The following KRT72 variants were observed in gnomAD, a reference collection of about 807,000 sequenced individuals.
KRT72 encodes the protein keratin, type II cytoskeletal 72.
Under a neutral mutation model 44.7 loss-of-function variants are expected in KRT72, and 44 were observed. The ratio of observed to expected loss-of-function variants is 0.98; its 90% CI spans 0.77 to 1.27. KRT72 has a LOEUF of 1.27. Among genes scored for constraint, KRT72 ranks in the 50% most tolerant of loss-of-function variants. The pLI is 0.00. For synonymous variants in KRT72, 302 were observed against 280.4 expected, an observed-to-expected ratio of 1.08 and a Z score of -0.77; for missense variants, 736 against 667.1, an observed-to-expected ratio of 1.10 and a Z score of -1.14.
At chr12:52,592,822 A>G in intron 3 of KRT72, 70 bp downstream of exon 3, 1 of 1,385,960 alleles carries the variant, frequency 7.2e-7, no homozygotes. Context: ...CCCTTTCCTC[A>G]CCCTACAAGC....
chr12:52,586,947 G>T lies in KRT72; in HGVS notation c.1344C>A (p.Ile448=), dbSNP rs975745057. The T allele has an allele frequency of 6.2e-7, 1 of 1,613,550 alleles. No homozygotes were observed. The highest frequency in any genetic ancestry group is 1.3e-5 in the African/African-American group (1 of 74,896). The change falls in exon 8 of 9, where the codon ATC becomes ATA. Residue 448 remains isoleucine (I), a splice_region_variant and synonymous_variant. Coordinates refer to ENST00000293745, the MANE Select transcript of KRT72 (RefSeq NM_080747.3). Reference sequence around the variant, plus strand: ...GAACTGAGATCTGCAGATACTTACAGATGCTCACAGAATTTGGATATTCGC... The same window carrying T: ...GAACTGAGATCTGCAGATACTTACATATGCTCACAGAATTTGGATATTCGC... ...MSGEYPNSVS[I]SVISSTNAGA...
intron 2 of KRT72, among the ~76,000 whole-genome samples, chr12:52,594,623 G>T (rs1352957388): frequency 7.0e-6 from 1 of 141,886 alleles, no homozygotes; most frequent in South Asian, 2.6e-4. Flanking sequence ...TGGGGGGAGG[G>T]ATAGCATTGG....
At chr12:52,591,770 G>A (rs1442506244) in intron 4 of KRT72, 142 bp from the exon 5 acceptor site, 2 of 781,710 alleles carry the variant, frequency 2.6e-6, no homozygotes, top group Non-Finnish European at 4.1e-6. Context: ...TGCCTGGCAG[G>A]CACGTGAAGA....
chr12:52,601,662 C>T, upstream of KRT72: 1 of 581,704 alleles, frequency 1.7e-6, no homozygotes, highest in Non-Finnish European at 3.0e-6. Context: ...TCTGTTCCAC[C>T]GTGAACTCCC....
chr12:52,599,241 G>A (rs543751962), intron 1 of KRT72, 129 bp from the exon 2 acceptor site: 152 of 833,178 alleles, frequency 1.8e-4, no homozygotes, highest in Non-Finnish European at 1.9e-4. Context: ...GGCTTATCCC[G>A]GGGTGGATTC....
At chr12:52,592,759 G>A in intron 3 of KRT72, 133 bp downstream of exon 3, 4 of 750,378 alleles carry the variant, frequency 5.3e-6, no homozygotes, top group South Asian at 1.6e-5. Flanking sequence ...GGAGGGGCTG[G>A]GAAGTTAGAG....
In KRT72 at chr12:52,592,444, C is replaced by T. The variant is rs1359805655; in HGVS notation, c.750G>A (p.Val250=). Residue 250 remains valine (V), a synonymous_variant, in exon 4 of 9, where the codon GTG becomes GTA. Coordinates refer to ENST00000293745, the MANE Select transcript of KRT72 (RefSeq NM_080747.3). ...ATTTAATCTCATCTGTCAAGGAGTC[C>T]ACCTTGGCCTGGAGCTCAACCTTAT... The part of the protein sequence containing the change: ...YMNKVELQAK[V]DSLTDEIKFF... 6.2e-7 allele frequency: 1 copy of T among 1,614,116 alleles called. No individual in the cohort carries two copies. The highest frequency in any genetic ancestry group is 2.2e-5 in the East Asian group (1 of 44,882).
At chr12:52,596,858 G>A (rs556224696) in intron 2 of KRT72, among the ~76,000 whole-genome samples, 8 of 152,222 alleles carry the variant, frequency 5.3e-5, no homozygotes, top group Admixed American at 2.0e-4. Flanking sequence ...CTAAGGTTTC[G>A]AGATACATGC....
At chr12:52,590,511 C>T (rs953572146) in intron 6 of KRT72, among the ~76,000 whole-genome samples, 1 of 152,232 alleles carries the variant, frequency 6.6e-6, no homozygotes, top group African/African-American at 2.4e-5. Context: ...GCAAGCCCAC[C>T]TGCACACGTG....
At position 52,587,755 on chromosome 12, in the gene KRT72, G is replaced by C; in HGVS notation, c.1186C>G (p.Leu396Val). The stretch of plus-strand genomic sequence containing the variant: ...GCCAGCTCCTCCTTGGCCTGGTGCA[G>C]GGCGCCCTCCAGCTCATCCAGCTTG... ...RAKLDELEGA[L>V]HQAKEELARM... The change falls in exon 7 of 9, where the codon CTG becomes GTG. Residue 396 changes from leucine to valine, a missense_variant. Leu to Val is a conservative substitution (Grantham distance 32, BLOSUM62 1). Transcript: ENST00000293745. 4 of 1,614,210 alleles carry C rather than the reference G, an allele frequency of 2.5e-6. No homozygotes were observed. The highest frequency in any genetic ancestry group is 2.5e-6 in the Non-Finnish European group (3 of 1,180,050).
At chr12:52,587,919 C>T in intron 6 of KRT72, 68 bp from the exon 7 acceptor site, 1 of 1,465,972 alleles carries the variant, frequency 6.8e-7, no homozygotes, top group South Asian at 1.3e-5. Flanking sequence ...TGGACAACCT[C>T]CCCTTGTTTT....
chr12:52,587,954 G>A, intron 6 of KRT72, 103 bp from the exon 7 acceptor site: 1 of 1,165,200 alleles, frequency 8.6e-7, no homozygotes, highest in South Asian at 1.5e-5. Context: ...CAACTGCTTG[G>A]AGATCCTCCT....
rs59458788 is a variant in KRT72 at position 52,592,526 on chromosome 12, G to A, written c.703-35C>T. ...CATGATAGTCAAGCCGCCCTGAGAG[G>A]GCCTCCCCTGCCCATCCCTCCCTCC... On this transcript the variant is annotated intron_variant, in intron 3 of 8. Coordinates refer to ENST00000293745, the MANE Select transcript of KRT72 (RefSeq NM_080747.3). 3.1e-3 allele frequency: 4,672 copies of A among 1,515,078 alleles called. 137 individuals carry two copies. In the African/African-American group the frequency reaches 0.058, roughly 19 times the overall value. 93.9% of individuals were successfully genotyped at this position (1,515,078 alleles called of 1,614,324 possible).
rs374431920 is a variant in KRT72 at position 52,592,912 on chromosome 12, C to G, written c.682G>C (p.Glu228Gln). The G allele has an allele frequency of 2.3e-5, 37 of 1,613,856 alleles. No homozygotes were observed. The highest frequency in any genetic ancestry group is 3.1e-5 in the Non-Finnish European group (37 of 1,179,928). ...EINRRTAAEN[E>Q]FVVLKKDVDA... ...CTTACCTTCTTGAGCACCACAAACTCATTCTCAGCAGCTGTGCGTCTGTTA... is the reference window on the plus strand; with the variant it reads ...CTTACCTTCTTGAGCACCACAAACTGATTCTCAGCAGCTGTGCGTCTGTTA... Residue 228 changes from glutamate (E) to glutamine (Q), a missense_variant, in exon 3 of 9, where the codon GAG becomes CAG. By Grantham distance (29) the Glu-to-Gln change is conservative. Coordinates refer to ENST00000293745, the MANE Select transcript of KRT72 (RefSeq NM_080747.3).
At chr12:52,588,046 C>T (rs1449699068) in intron 6 of KRT72, among the ~76,000 whole-genome samples, 195 bp from the exon 7 acceptor site, 3 of 152,230 alleles carry the variant, frequency 2.0e-5, no homozygotes, top group Non-Finnish European at 4.4e-5. Flanking sequence ...GCTCATGCCT[C>T]TGCATCTGAA....
At chr12:52,587,099 C>A in intron 7 of KRT72, 119 bp from the exon 8 acceptor site, 1 of 895,258 alleles carries the variant, frequency 1.1e-6, no homozygotes, top group African/African-American at 1.7e-5. Context: ...CCCATCCTAG[C>A]CTCCTTTCTT....
At position 52,595,366 on chromosome 12, in the gene KRT72, T is replaced by G. The variant is rs557079565; in HGVS notation, c.642-2414A>C. Among the ~76,000 whole-genome samples the G allele has an allele frequency of 5.9e-5, 9 of 152,162 alleles. No homozygotes were observed. In the South Asian group the frequency reaches 1.9e-3, roughly 32 times the overall value. On this transcript the variant is annotated intron_variant, in intron 2 of 8. Transcript: ENST00000293745. ...AAATAGTTATATTAGTTATATTAAA[T>G]CTAAATCATTTTAATCTTGAATGCT... is the stretch of plus-strand genomic sequence containing the variant.
rs756736404 is a variant in KRT72, at chr12:52,591,565, G to T, written c.862C>A (p.Arg288=). 5.6e-6 allele frequency: 9 copies of T among 1,613,874 alleles called. No homozygotes were observed. Among genetic ancestry groups the T allele is most frequent in the Middle Eastern group, 1.6e-4 (1 of 6,078 alleles). The part of the protein sequence containing the change: ...TSIVLSMDNN[R]DLDLDSIIAE... Reference sequence around the variant, plus strand: ...ATGATGCTGTCCAGGTCCAGATCCCGGTTGTTGTCCATTGACAGGACGATG... The same window carrying T: ...ATGATGCTGTCCAGGTCCAGATCCCTGTTGTTGTCCATTGACAGGACGATG... Residue 288 remains arginine, a synonymous_variant, in exon 5 of 9, where the codon CGG becomes AGG. Transcript: ENST00000293745.
rs560711489 is a variant in KRT72, at chr12:52,588,662, C to T, written c.1090-811G>A. ...CAAACCTGCACATCCCGTACATGTA[C>T]CCTAGAACTTAAAACCAAAACTAAA... On this transcript the variant is annotated intron_variant, in intron 6 of 8. Transcript: ENST00000293745. 1.6e-4 allele frequency among the ~76,000 whole-genome samples: 24 copies of T among 152,252 alleles called. No homozygotes were observed. In the South Asian group the frequency reaches 4.8e-3, roughly 30 times the overall value.
Sources: allele counts gnomAD v4.1 joint callset (sites outside exome capture counted in the v4.1 genomes callset), GRCh38; gene constraint gnomAD v4.1.1; transcripts MANE v1.5; gene names NCBI Gene and HGNC (gene_info 2026-07-23, HGNC 2026-07-21).